The following VEPH1 variants were observed in gnomAD, a reference collection of about 807,000 sequenced individuals.
VEPH1 encodes the protein ventricular zone-expressed PH domain-containing protein homolog 1.
In VEPH1, 80 loss-of-function variants were observed where a neutral mutation model predicts 85.2. That is an observed-to-expected ratio of 0.94 (90% CI 0.78 to 1.13). VEPH1 has a LOEUF of 1.13. VEPH1 is among the 50% of genes most tolerant of loss of function. VEPH1 has a pLI of 0.00. For synonymous variants in VEPH1, 297 were observed against 348.0 expected, an observed-to-expected ratio of 0.85 and a Z score of 1.63; for missense variants, 955 against 980.5, an observed-to-expected ratio of 0.97 and a Z score of 0.35.
chr3:157,479,656 T>C (rs1737830936), intron 2 of VEPH1, among the ~76,000 whole-genome samples: 1 of 152,170 alleles, frequency 6.6e-6, no homozygotes, highest in Admixed American at 6.5e-5. Context: ...CTGCATAGCA[T>C]AGTGGTTAAG....
chr3:157,387,668 T>C (rs1729442686), intron 6 of VEPH1, among the ~76,000 whole-genome samples: 1 of 152,178 alleles, frequency 6.6e-6, no homozygotes, highest in Admixed American at 6.5e-5. Context: ...CCCAGAAGTT[T>C]CCTGATGTTC....
At chr3:157,317,727 G>A (rs934559302) in intron 9 of VEPH1, among the ~76,000 whole-genome samples, 2 of 152,166 alleles carry the variant, frequency 1.3e-5, no homozygotes, top group Non-Finnish European at 2.9e-5. Flanking sequence ...ATTTCAGCTG[G>A]GAGTCTTAAT....
At chr3:157,272,300 T>TCCCTC (rs1714696531) in intron 12 of VEPH1, among the ~76,000 whole-genome samples, 1 of 139,994 alleles carries the variant, frequency 7.1e-6, no homozygotes, top group African/African-American at 2.7e-5. Context: ...TTCCTTCCCT[T>TCCCTC]CCTCTCTCTC....
intron 4 of VEPH1, among the ~76,000 whole-genome samples, chr3:157,436,522 C>T (rs1733588464): frequency 6.6e-6 from 1 of 152,130 alleles, no homozygotes; most frequent in African/African-American, 2.4e-5. Context: ...TGATTTGCTT[C>T]AGTACCCTCT....
At position 157,364,303 on chromosome 3, in the gene VEPH1, C is replaced by G. The variant is rs370118167; in HGVS notation, c.1337G>C (p.Arg446Thr). 6.2e-7 allele frequency: 1 copy of G among 1,602,466 alleles called. No homozygotes were observed. The highest frequency in any genetic ancestry group is 1.3e-5 in the African/African-American group (1 of 74,336). Residue 446 changes from arginine to threonine, a missense_variant and splice_region_variant, in exon 8 of 14, where the codon AGG (arginine) becomes ACG (threonine). Physicochemically the swap from Arg to Thr is moderately conservative, Grantham distance 71 (BLOSUM62 -1). Coordinates refer to ENST00000362010, the MANE Select transcript of VEPH1 (RefSeq NM_001167912.2). ...KEERKNIRFN[R>T]SKSLAFHTML... ...AAAAAACAAACCAAACGAGTTATACCTGTTAAATCTAATGTTTTTTCTTTC... is the reference window on the plus strand; with the variant it reads ...AAAAAACAAACCAAACGAGTTATACGTGTTAAATCTAATGTTTTTTCTTTC...
chr3:157,493,939 AGG>A, intron 2 of VEPH1, among the ~76,000 whole-genome samples: 1 of 152,208 alleles, frequency 6.6e-6, no homozygotes, highest in Non-Finnish European at 1.5e-5. Context: ...TGATTTGCAG[AGG>A]AGTGTGAAAG....
intron 13 of VEPH1, among the ~76,000 whole-genome samples, chr3:157,262,449 A>G (rs1184176477): frequency 6.6e-6 from 1 of 152,160 alleles, no homozygotes; most frequent in East Asian, 1.9e-4. Context: ...AAACAATTAA[A>G]TTTCAATTTA....
At chr3:157,410,264 A>G (rs1731430647) in intron 6 of VEPH1, among the ~76,000 whole-genome samples, 1 of 152,056 alleles carries the variant, frequency 6.6e-6, no homozygotes, top group Non-Finnish European at 1.5e-5. Flanking sequence ...CAAAATCCCC[A>G]TGCCTTATAT....
chr3:157,313,552 A>C, intron 11 of VEPH1, 69 bp downstream of exon 11: 1 of 1,536,902 alleles, frequency 6.5e-7, no homozygotes, highest in Non-Finnish European at 8.8e-7. Context: ...ATTGCTAAAA[A>C]AAAGGGAAAC....
At chr3:157,437,447 C>T in intron 4 of VEPH1, 2 of 1,549,238 alleles carry the variant, frequency 1.3e-6, no homozygotes, top group Non-Finnish European at 1.7e-6. Flanking sequence ...GGGAGGTCAG[C>T]TTTTACAAAG....
Position 157,437,784 on chromosome 3 carries a change from G to C in VEPH1, c.530-9296C>G, listed in dbSNP as rs1045606658. ...ACGCGGGCCGCAGGCTGGCGCGTAT[G>C]GAGGGCGCGGAGGCGCAGCGCCCAG... On this transcript the variant is annotated intron_variant, in intron 4 of 13. Transcript: ENST00000362010. The C allele has an allele frequency of 6.1e-6, 9 of 1,464,484 alleles. No individual in the cohort carries two copies. Among genetic ancestry groups the C allele is most frequent in the Non-Finnish European group, 8.0e-6 (9 of 1,121,390 alleles). 90.7% of individuals were successfully genotyped at this position (1,464,484 alleles called of 1,614,324 possible). A position where few individuals can be genotyped will look rare whatever the true frequency, so the allele number is the denominator to read the frequency against.
chr3:157,361,686 A>T (rs1422360330), intron 9 of VEPH1, among the ~76,000 whole-genome samples: 1 of 152,226 alleles, frequency 6.6e-6, no homozygotes, highest in African/African-American at 2.4e-5. Context: ...AGTGCCTTAA[A>T]GCTATCCAGA....
chr3:157,295,464 T>C (rs932939616), intron 11 of VEPH1, among the ~76,000 whole-genome samples: 1 of 152,092 alleles, frequency 6.6e-6, no homozygotes, highest in Non-Finnish European at 1.5e-5. Context: ...AATTATCATT[T>C]TGTTGACATG....
chr3:157,377,227 C>T (rs6441126), intron 7 of VEPH1, among the ~76,000 whole-genome samples: 101,741 of 151,648 alleles, frequency 0.67, 34,413 homozygotes, highest in East Asian at 0.79. Flanking sequence ...TGATGGCAGT[C>T]GTGGTAGGAG....
intron 7 of VEPH1, among the ~76,000 whole-genome samples, chr3:157,367,797 C>T (rs777335137): frequency 8.5e-5 from 13 of 152,072 alleles, no homozygotes; most frequent in African/African-American, 1.9e-4. Context: ...AGGTGTGTGC[C>T]GCTGTGCCTG....
chr3:157,459,930 A>C, intron 4 of VEPH1: 3 of 1,537,218 alleles, frequency 2.0e-6, no homozygotes, highest in Non-Finnish European at 2.6e-6. Context: ...CTTCAAACTG[A>C]GAAACACAGA....
chr3:157,311,107 C>T (rs553201688), intron 11 of VEPH1, among the ~76,000 whole-genome samples: 1 of 152,366 alleles, frequency 6.6e-6, no homozygotes, highest in African/African-American at 2.4e-5. Flanking sequence ...CCTTGTAGCT[C>T]TGGCAACACA....
At chr3:157,376,232 A>T (rs979462615) in intron 7 of VEPH1, among the ~76,000 whole-genome samples, 7 of 151,924 alleles carry the variant, frequency 4.6e-5, no homozygotes, top group African/African-American at 1.5e-4. Context: ...CTAACCTCCT[A>T]CTAAGACCAC....
At chr3:157,278,362 C>T (rs1170144813) in intron 12 of VEPH1, among the ~76,000 whole-genome samples, 1 of 152,130 alleles carries the variant, frequency 6.6e-6, no homozygotes, top group East Asian at 1.9e-4. Flanking sequence ...GGAAGAAGTA[C>T]AGTGAGTCTG....
Sources: gnomAD v4.1 joint callset for allele counts (sites outside exome capture counted in the v4.1 genomes callset) on GRCh38, gnomAD v4.1.1 for gene constraint, MANE v1.5 for transcripts, NCBI Gene and HGNC (gene_info 2026-07-23, HGNC 2026-07-21) for gene names.